Variants in BCKDHB observed in about 807,000 individuals in gnomAD.
The protein encoded by BCKDHB is 2-oxoisovalerate dehydrogenase subunit beta, mitochondrial.
BCKDHB carries 41 observed loss-of-function variants against 48.5 expected under a neutral mutation model. The observed-to-expected ratio is 0.85, with a 90% confidence interval of 0.66 to 1.10. The LOEUF (loss-of-function observed/expected upper bound fraction) is 1.10, where lower values mean the gene tolerates loss of function less well. Among genes scored for constraint, BCKDHB ranks in the 50% least tolerant of loss-of-function variants. BCKDHB has a pLI of 0.00. For missense variants in BCKDHB, 496 were observed against 494.2 expected (o/e 1.00, Z -0.03); for synonymous variants, 201 against 174.8 (o/e 1.15, Z -1.18).
the BCKDHB span, chr6:80,374,613 T>G: frequency 3.8e-4 from 216 of 573,820 alleles, no homozygotes; most frequent in Non-Finnish European, 6.0e-4. Context: ...AGCCATTCTA[T>G]ATCTTTTAAG....
chr6:80,349,376 C>T (rs1026068235), downstream of BCKDHB, among the ~76,000 whole-genome samples: 2 of 150,902 alleles, frequency 1.3e-5, no homozygotes, highest in African/African-American at 4.9e-5. Flanking sequence ...TTCTTAGGTA[C>T]AAAGTTAACT....
At chr6:80,227,880 C>T (rs867584644) in intron 8 of BCKDHB, among the ~76,000 whole-genome samples, 4 of 152,146 alleles carry the variant, frequency 2.6e-5, no homozygotes, top group Middle Eastern at 3.4e-3. Context: ...TTCCTGTGAG[C>T]CATAGAAAGA....
At chr6:80,232,247 T>C (rs562706928) in intron 8 of BCKDHB, among the ~76,000 whole-genome samples, 1 of 152,224 alleles carries the variant, frequency 6.6e-6, no homozygotes, top group South Asian at 2.1e-4. Context: ...GCTGGCTGTT[T>C]AGTCTAATGC....
chr6:80,187,332 A>G (rs984735945), intron 6 of BCKDHB, among the ~76,000 whole-genome samples: 1 of 152,216 alleles, frequency 6.6e-6, no homozygotes, highest in Non-Finnish European at 1.5e-5. Flanking sequence ...TATTATTATC[A>G]TATAAAAATC....
chr6:80,340,568 C>T (rs1416706241), intron 9 of BCKDHB, among the ~76,000 whole-genome samples: 1 of 152,120 alleles, frequency 6.6e-6, no homozygotes, highest in East Asian at 1.9e-4. Flanking sequence ...TACTTAATTC[C>T]CAATTTATGT....
chr6:80,177,225 C>CAAAAAAAAAAAAA (rs575991853), intron 6 of BCKDHB, among the ~76,000 whole-genome samples: 1 of 43,150 alleles, frequency 2.3e-5, no homozygotes, highest in Non-Finnish European at 4.1e-5. Flanking sequence ...GACCTTGTCT[C>CAAAAAAAAAAAAA]AAAAAAAAAA....
intron 3 of BCKDHB, among the ~76,000 whole-genome samples, chr6:80,157,812 C>G (rs919700304): frequency 3.9e-5 from 6 of 152,004 alleles, no homozygotes; most frequent in South Asian, 2.1e-4. Context: ...CCTATAGTCT[C>G]TCTTCACTGT....
At chr6:80,362,598 G>T in the BCKDHB span, among the ~76,000 whole-genome samples, 1 of 152,098 alleles carries the variant, frequency 6.6e-6, no homozygotes, top group Admixed American at 6.6e-5. Flanking sequence ...CATGTATAGA[G>T]GGACACCATT....
chr6:80,132,243 C>T (rs1383249529), intron 3 of BCKDHB, among the ~76,000 whole-genome samples: 2 of 151,944 alleles, frequency 1.3e-5, no homozygotes, highest in Non-Finnish European at 2.9e-5. Context: ...TCCAAGCAGA[C>T]TCAGGCAGTT....
the BCKDHB span, chr6:80,374,582 C>T: frequency 1.5e-6 from 1 of 650,430 alleles, no homozygotes; most frequent in East Asian, 2.7e-5. Flanking sequence ...TCACAGATTA[C>T]CTCCGGCTAC....
At chr6:80,109,197 CA>C (rs749083719) in intron 1 of BCKDHB, among the ~76,000 whole-genome samples, 87 of 152,164 alleles carry the variant, frequency 5.7e-4, no homozygotes, top group Non-Finnish European at 1.0e-3. Flanking sequence ...CTGTAAGCCT[CA>C]GTTTCTTTAT....
At position 80,209,085 on chromosome 6, in the gene BCKDHB, A is replaced by C. The variant is rs550502185; in HGVS notation, c.951+5873A>C. Among the ~76,000 whole-genome samples the C allele has an allele frequency of 3.3e-5, 5 of 152,006 alleles. No homozygotes were observed. The East Asian group carries it at 9.6e-4, about 29-fold the overall frequency. ...AAAAACCTGACTACCTTGGTAGTGC[A>C]AGAGAAGTATTTATTAAAATTCAAT... On this transcript the variant is annotated intron_variant, in intron 8 of 9. Transcript: ENST00000320393.
chr6:80,310,595 T>A (rs1768103957), intron 9 of BCKDHB, among the ~76,000 whole-genome samples: 1 of 152,230 alleles, frequency 6.6e-6, no homozygotes, highest in Non-Finnish European at 1.5e-5. Flanking sequence ...CAGAACCATT[T>A]ATATTCCTTT....
chr6:80,132,171 G>A (rs556668677), intron 3 of BCKDHB, among the ~76,000 whole-genome samples: 1 of 151,988 alleles, frequency 6.6e-6, no homozygotes, highest in African/African-American at 2.4e-5. Flanking sequence ...TACCCTGTCT[G>A]ATTACCTGGT....
chr6:80,431,096 G>A, the BCKDHB span, among the ~76,000 whole-genome samples: 2 of 152,134 alleles, frequency 1.3e-5, no homozygotes, highest in Admixed American at 1.3e-4. Flanking sequence ...TCATTCAGGA[G>A]CAGGTTGTTC....
rs1285942168 is a variant in BCKDHB, at chr6:80,167,799, T to G, written c.465T>G (p.Pro155=). 1 of 1,613,852 alleles carries G rather than the reference T, an allele frequency of 6.2e-7. No homozygotes were observed. The highest frequency in any genetic ancestry group is 1.7e-5 in the Admixed American group (1 of 60,014). ...AEIQFADYIF[P]AFDQIVNEAA... ...TTCAGTTTGCAGATTATATTTTCCC[T>G]GCATTTGATCAGGTAAGTGAATGAA... The change falls in exon 4 of 10, where the codon CCT becomes CCG. Residue 155 remains proline (P), a synonymous_variant. Transcript: ENST00000320393.
the BCKDHB span, among the ~76,000 whole-genome samples, chr6:80,397,033 G>A: frequency 6.6e-6 from 1 of 152,092 alleles, no homozygotes; most frequent in South Asian, 2.1e-4. Context: ...TTACACTTCA[G>A]AACTGCACCC....
At chr6:80,447,493 A>T in the BCKDHB span, among the ~76,000 whole-genome samples, 42 of 149,948 alleles carry the variant, frequency 2.8e-4, no homozygotes, top group Middle Eastern at 3.5e-3. Context: ...TATACTATTT[A>T]TATATATATA....
the BCKDHB span, among the ~76,000 whole-genome samples, chr6:80,398,697 A>G: frequency 8.2e-6 from 1 of 121,396 alleles, no homozygotes; most frequent in African/African-American, 5.6e-5. Context: ...AAAACTTTTG[A>G]AAAAAAAAAA....
Sources: gnomAD v4.1 joint callset for allele counts (sites outside exome capture counted in the v4.1 genomes callset) on GRCh38, gnomAD v4.1.1 for gene constraint, MANE v1.5 for transcripts, NCBI Gene and HGNC (gene_info 2026-07-23, HGNC 2026-07-21) for gene names.